Variants in GABRR1 observed in about 807,000 individuals in gnomAD.
The protein encoded by GABRR1 is gamma-aminobutyric acid type A receptor subunit rho1.
In GABRR1, 59 loss-of-function variants were observed where a neutral mutation model predicts 55.5. That is an observed-to-expected ratio of 1.06 (90% confidence interval 0.86 to 1.32). The LOEUF is 1.32. GABRR1 is among the 40% of genes most tolerant of loss of function. GABRR1 has a pLI of 0.00. For synonymous variants in GABRR1, 213 were observed against 226.0 expected, an observed-to-expected ratio of 0.94 and a Z score of 0.51; for missense variants, 602 against 619.1, an observed-to-expected ratio of 0.97 and a Z score of 0.29.
chr6:89,220,742 C>T (rs769280735), upstream of GABRR1, among the ~76,000 whole-genome samples: 3 of 151,448 alleles, frequency 2.0e-5, no homozygotes, highest in Non-Finnish European at 4.4e-5. Flanking sequence ...TTTTTTGAGA[C>T]GGAGTTTCGT....
intron 1 of GABRR1, among the ~76,000 whole-genome samples, chr6:89,222,920 T>C (rs760134411): frequency 1.3e-5 from 2 of 152,224 alleles, no homozygotes; most frequent in African/African-American, 4.8e-5. Context: ...CAAGGATCAA[T>C]AGACCGTTAA....
chr6:89,204,256 G>A (rs1214541191), intron 1 of GABRR1, among the ~76,000 whole-genome samples: 1 of 152,098 alleles, frequency 6.6e-6, no homozygotes, highest in Non-Finnish European at 1.5e-5. Flanking sequence ...TGATGCACAG[G>A]GACACATCAG....
intron 6 of GABRR1, among the ~76,000 whole-genome samples, chr6:89,189,518 G>A (rs999472903): frequency 4.4e-5 from 5 of 113,438 alleles, no homozygotes; most frequent in Non-Finnish European, 9.0e-5. Flanking sequence ...TGGTGGGGTG[G>A]GGGGAGGGGG....
chr6:89,201,388 T>C, intron 2 of GABRR1, 123 bp from the exon 3 acceptor site: 1 of 647,830 alleles, frequency 1.5e-6, no homozygotes, highest in Non-Finnish European at 2.8e-6. Context: ...TTTAAGCTAT[T>C]GGACATCCCC....
intron 6 of GABRR1, among the ~76,000 whole-genome samples, chr6:89,186,237 A>G (rs1444785530): frequency 6.6e-6 from 1 of 152,232 alleles, no homozygotes; most frequent in African/African-American, 2.4e-5. Flanking sequence ...TCATGTGTCA[A>G]CCTGGCTTGG....
chr6:89,184,258 A>AT (rs1232344403), intron 7 of GABRR1, among the ~76,000 whole-genome samples: 1 of 150,722 alleles, frequency 6.6e-6, no homozygotes, highest in African/African-American at 2.4e-5. Flanking sequence ...AAAAAAAAAA[A>AT]AAAAAAAAAT....
intron 7 of GABRR1, 38 bp from the exon 8 acceptor site, chr6:89,182,095 G>T (rs1771747930): frequency 1.2e-6 from 2 of 1,605,660 alleles, no homozygotes; most frequent in Non-Finnish European, 1.7e-6. Context: ...ACACATCATG[G>T]CTCCTTCATA....
chr6:89,178,425 T>A lies in GABRR1; in HGVS notation c.*345A>T. 1 of 270,378 alleles carries A rather than the reference T, an allele frequency of 3.7e-6. No individual in the cohort carries two copies. The highest frequency in any genetic ancestry group is 7.1e-6 in the Non-Finnish European group (1 of 141,706). The allele number at this position is 270,378 out of a possible 1,614,324, so 16.7% of individuals were successfully genotyped here. A position where few individuals can be genotyped will look rare whatever the true frequency, so the allele number is the denominator to read the frequency against. ...ATGACACTTGAGGAAAATAAATTATTCATGTGAATAGCATCAAGGGTCTAA... is the reference window on the plus strand; with the variant it reads ...ATGACACTTGAGGAAAATAAATTATACATGTGAATAGCATCAAGGGTCTAA... On this transcript the variant is annotated 3_prime_UTR_variant, in exon 10 of 10. Coordinates refer to ENST00000454853, the MANE Select transcript of GABRR1 (RefSeq NM_002042.5).
chr6:89,179,558 C>G (rs1235644932), intron 9 of GABRR1, among the ~76,000 whole-genome samples: 4 of 152,174 alleles, frequency 2.6e-5, no homozygotes, highest in African/African-American at 9.7e-5. Context: ...TACATACTGA[C>G]TCTTAGAAAA....
Position 89,177,788 on chromosome 6 carries a change from T to G in GABRR1, c.*982A>C, listed in dbSNP as rs1771589982. On this transcript the variant is annotated 3_prime_UTR_variant, in exon 10 of 10. Transcript: ENST00000454853. ...ATAAATGCAGATGTCCAGTGATATC[T>G]TCCCATTTATTTTGCTTTCCGATGT... 1 of 152,234 alleles carries G rather than the reference T, an allele frequency of 6.6e-6. No homozygotes were observed. Among genetic ancestry groups the G allele is most frequent in the Non-Finnish European group, 1.5e-5 (1 of 68,044 alleles). The allele number at this position is 152,234 out of a possible 1,614,324, so 9.4% of individuals were successfully genotyped here.
intron 5 of GABRR1, 122 bp downstream of exon 5, chr6:89,197,898 T>G (rs546539680): frequency 2.8e-6 from 2 of 726,900 alleles, no homozygotes; most frequent in Admixed American, 4.8e-5. Context: ...TTTTCCTTGA[T>G]GTTGAGAAGC....
At chr6:89,216,846 G>A (rs188724073) in intron 1 of GABRR1, among the ~76,000 whole-genome samples, 1 of 152,294 alleles carries the variant, frequency 6.6e-6, no homozygotes, top group East Asian at 1.9e-4. Flanking sequence ...TTGGTAATTT[G>A]AGAATTCACA....
chr6:89,179,742 G>C (rs9359845), intron 9 of GABRR1, among the ~76,000 whole-genome samples: 4 of 151,906 alleles, frequency 2.6e-5, no homozygotes, highest in Non-Finnish European at 4.4e-5. Context: ...TTGGTATTGT[G>C]GGGATAGATT....
At chr6:89,182,509 C>T (rs1373504132) in intron 7 of GABRR1, among the ~76,000 whole-genome samples, 1 of 152,056 alleles carries the variant, frequency 6.6e-6, no homozygotes, top group African/African-American at 2.4e-5. Flanking sequence ...AGGCTGGTCT[C>T]GAACTCCTGG....
intron 5 of GABRR1, among the ~76,000 whole-genome samples, chr6:89,194,635 A>C (rs1400116806): frequency 6.6e-6 from 1 of 152,146 alleles, no homozygotes; most frequent in Non-Finnish European, 1.5e-5. Context: ...TAATACAAAA[A>C]AGCAATTCAG....
intron 1 of GABRR1, among the ~76,000 whole-genome samples, chr6:89,208,115 G>T (rs1772708885): frequency 6.6e-6 from 1 of 152,234 alleles, no homozygotes; most frequent in Non-Finnish European, 1.5e-5. Context: ...ACAAGGGTAG[G>T]TTCCCTGCCA....
At chr6:89,206,156 A>C (rs1489002466) in intron 1 of GABRR1, among the ~76,000 whole-genome samples, 1 of 151,858 alleles carries the variant, frequency 6.6e-6, no homozygotes, top group Non-Finnish European at 1.5e-5. Context: ...AGCATATGGG[A>C]GGCAGCAGGC....
chr6:89,223,270 GCTC>G (rs1773140091), intron 1 of GABRR1, among the ~76,000 whole-genome samples: 1 of 152,058 alleles, frequency 6.6e-6, no homozygotes, highest in Non-Finnish European at 1.5e-5. Context: ...TCATAGCTTA[GCTC>G]CCACTTATGA....
chr6:89,191,169 T>G (rs879445839), intron 5 of GABRR1, among the ~76,000 whole-genome samples: 1 of 152,276 alleles, frequency 6.6e-6, no homozygotes, highest in Non-Finnish European at 1.5e-5. Context: ...GCCTCATTTT[T>G]TCCCACTGCT....
Sources: gnomAD v4.1 joint callset for allele counts (sites outside exome capture counted in the v4.1 genomes callset) on GRCh38, gnomAD v4.1.1 for gene constraint, MANE v1.5 for transcripts, NCBI Gene and HGNC (gene_info 2026-07-23, HGNC 2026-07-21) for gene names.